The following MED28 variants were observed in gnomAD, a reference collection of about 807,000 sequenced individuals.
The protein encoded by MED28 is mediator complex subunit 28.
A neutral mutation model predicts 21.3 loss-of-function variants in MED28; 26 were observed. That is an observed-to-expected ratio of 1.22 (90% confidence interval 0.89 to 1.69). MED28 has a LOEUF of 1.69. Ranked by LOEUF, MED28 falls within the 40% of genes most tolerant of loss-of-function variation. The pLI is 0.00. For missense variants in MED28, 257 were observed against 215.4 expected, an observed-to-expected ratio of 1.19 and a Z score of -1.21; for synonymous variants, 110 against 87.6, an observed-to-expected ratio of 1.26 and a Z score of -1.43.
chr4:17,626,963 A>ATTTTT lies in MED28; in HGVS notation c.*3180_*3184dup, dbSNP rs566778111. 7.9e-6 allele frequency: 1 copy of ATTTTT among 126,178 alleles called. No homozygotes were observed. Among genetic ancestry groups the ATTTTT allele is most frequent in the Non-Finnish European group, 1.7e-5 (1 of 60,368 alleles). The allele number at this position is 126,178 out of a possible 1,614,324, so 7.8% of individuals were successfully genotyped here. On this transcript the variant is annotated 3_prime_UTR_variant, in exon 4 of 4. Transcript: ENST00000237380. ...CCTCAGCCTCCCAAGTAGCTGGGCT[A>ATTTTT]TTTTTTTTTTTTTTTTTTTGAGATG...
chr4:17,621,359 ATC>A (rs1053727294), intron 2 of MED28, among the ~76,000 whole-genome samples: 1 of 151,258 alleles, frequency 6.6e-6, no homozygotes, highest in Non-Finnish European at 1.5e-5. Context: ...CTATATTAAT[ATC>A]TCTCTCTTTT....
chr4:17,628,420 C>T lies in MED28; in HGVS notation c.*4622C>T, dbSNP rs1371035541. 1 of 152,032 alleles carries T rather than the reference C, an allele frequency of 6.6e-6. No homozygotes were observed. The highest frequency in any genetic ancestry group is 2.4e-5 in the African/African-American group (1 of 41,384). 9.4% of individuals were successfully genotyped at this position (152,032 alleles called of 1,614,324 possible). On this transcript the variant is annotated 3_prime_UTR_variant, in exon 4 of 4. Transcript: ENST00000237380. ...CCTATAAATAAGATGTATTGAGATG[C>T]TCAGTGCCCCCATTCTGACAGCATC...
intron 1 of MED28, among the ~76,000 whole-genome samples, chr4:17,618,013 C>CTTTTTTTTTTTT (rs529883796): frequency 3.4e-5 from 4 of 117,914 alleles, no homozygotes; most frequent in Non-Finnish European, 6.7e-5. Flanking sequence ...CTTTTCTTTT[C>CTTTTTTTTTTTT]TTTTTTTTTT....
chr4:17,616,086 G>A lies in MED28; in HGVS notation c.159+1273G>A, dbSNP rs189840009. On this transcript the variant is annotated intron_variant, in intron 1 of 3. Coordinates refer to ENST00000237380, the MANE Select transcript of MED28 (RefSeq NM_025205.5). ...AGCGATTTTCCTGCCTCAGCCTCCC[G>A]AGTTGCTGGGATTACAGGCACCTGC... Among the ~76,000 whole-genome samples the A allele has an allele frequency of 8.6e-3, 1,310 of 152,044 alleles. 6 individuals carry two copies. Among genetic ancestry groups the A allele is most frequent in the Middle Eastern group, 0.034 (10 of 294 alleles).
rs554748248 is a variant in MED28, at chr4:17,614,659, C to G, written c.5C>G (p.Ala2Gly). The stretch of plus-strand genomic sequence containing the variant: ...CTCTCTTGCGCCATTCCAAACATGG[C>G]GGCTCCACTAGGGGGTATGTTTTCT... MAAPLGGMFSGQ... is the reference protein window; with the variant it reads MGAPLGGMFSGQ... The change falls in exon 1 of 4, where the codon GCG (alanine) becomes GGG (glycine). Residue 2 changes from alanine (A) to glycine (G), a missense_variant. Ala to Gly is a moderately conservative substitution (Grantham distance 60). Transcript: ENST00000237380. 6.2e-7 allele frequency: 1 copy of G among 1,605,882 alleles called. No individual in the cohort carries two copies. The highest frequency in any genetic ancestry group is 1.1e-5 in the South Asian group (1 of 90,596).
In MED28 at chr4:17,633,788, T is replaced by C. The variant is rs1221058083; in HGVS notation, c.*9990T>C. 6 of 1,551,512 alleles carry C rather than the reference T, an allele frequency of 3.9e-6. No individual in the cohort carries two copies. In the East Asian group the frequency reaches 1.5e-4, roughly 38 times the overall value. ...GGGTGATGTAGTTATTGGAGGGGCA[T>C]TAATCCTGGAACTCAGATCGCCACT... On this transcript the variant is annotated 3_prime_UTR_variant, in exon 4 of 4. Transcript: ENST00000237380.
In MED28 at chr4:17,633,861, G is replaced by A. The variant is rs188210452; in HGVS notation, c.*10063G>A. The stretch of plus-strand genomic sequence containing the variant: ...GCGAGGTTCGGCACGCTGACCACGC[G>A]GCTGGGCACGTCCTCCACCTTCTTT... On this transcript the variant is annotated 3_prime_UTR_variant, in exon 4 of 4. Transcript: ENST00000237380. 3.1e-5 allele frequency: 48 copies of A among 1,550,622 alleles called. No homozygotes were observed. The highest frequency in any genetic ancestry group is 2.7e-4 in the East Asian group (11 of 40,884).
rs1394418348 is a variant in MED28, at chr4:17,630,076, CAA to C, written c.*6281_*6282del. 6.6e-6 allele frequency: 1 copy of C among 152,160 alleles called. No individual in the cohort carries two copies. The highest frequency in any genetic ancestry group is 2.4e-5 in the African/African-American group (1 of 41,444). 9.4% of individuals were successfully genotyped at this position (152,160 alleles called of 1,614,324 possible). A position where few individuals can be genotyped will look rare whatever the true frequency, so the allele number is the denominator to read the frequency against. On this transcript the variant is annotated 3_prime_UTR_variant, in exon 4 of 4. Transcript: ENST00000237380. ...CAGTCACCTGCAGCAAGAAAGGAGT[CAA>C]AACCTATGTACGATCTCAACTAGTA...
In MED28 at chr4:17,628,561, C is replaced by G. The variant is rs981121413; in HGVS notation, c.*4763C>G. 6.6e-6 allele frequency: 1 copy of G among 151,990 alleles called. No individual in the cohort carries two copies. The highest frequency in any genetic ancestry group is 1.5e-5 in the Non-Finnish European group (1 of 68,000). 9.4% of individuals were successfully genotyped at this position (151,990 alleles called of 1,614,324 possible). On this transcript the variant is annotated 3_prime_UTR_variant, in exon 4 of 4. Coordinates refer to ENST00000237380, the MANE Select transcript of MED28 (RefSeq NM_025205.5). ...CCTATGGTTCTCTGTGATGAATAGA[C>G]CCAACTTGTTCAAATACAGGCATTT...
In MED28 at chr4:17,630,897, T is replaced by C. The variant is rs141191435; in HGVS notation, c.*7099T>C. On this transcript the variant is annotated 3_prime_UTR_variant, in exon 4 of 4. Transcript: ENST00000237380. Reference sequence around the variant, plus strand: ...AATCAATACAAGTCAACCATTTTTATTGCCCAGTTATTCAAAGTTTTATTC... The same window carrying C: ...AATCAATACAAGTCAACCATTTTTACTGCCCAGTTATTCAAAGTTTTATTC... The C allele has an allele frequency of 6.6e-5, 10 of 152,342 alleles. No individual in the cohort carries two copies. The highest frequency in any genetic ancestry group is 2.4e-4 in the African/African-American group (10 of 41,582). 9.4% of individuals were successfully genotyped at this position (152,342 alleles called of 1,614,324 possible).
At chr4:17,621,757 C>T in intron 3 of MED28, 58 bp downstream of exon 3, 1 of 1,125,690 alleles carries the variant, frequency 8.9e-7, no homozygotes, top group Admixed American at 2.1e-5. Flanking sequence ...GCCAGGATTC[C>T]TTTTATGCTT....
At chr4:17,622,663 T>C (rs1714669567) in intron 3 of MED28, among the ~76,000 whole-genome samples, 1 of 152,208 alleles carries the variant, frequency 6.6e-6, no homozygotes, top group Non-Finnish European at 1.5e-5. Flanking sequence ...ACTGGATGGC[T>C]GGGGACCAGG....
In MED28 at chr4:17,633,855, C is replaced by G; in HGVS notation, c.*10057C>G. 6.4e-7 allele frequency: 1 copy of G among 1,551,050 alleles called. No individual in the cohort carries two copies. The highest frequency in any genetic ancestry group is 8.7e-7 in the Non-Finnish European group (1 of 1,146,764). On this transcript the variant is annotated 3_prime_UTR_variant, in exon 4 of 4. Coordinates refer to ENST00000237380, the MANE Select transcript of MED28 (RefSeq NM_025205.5). ...TAGGAGGCGAGGTTCGGCACGCTGA[C>G]CACGCGGCTGGGCACGTCCTCCACC...
Position 17,628,256 on chromosome 4 carries a change from G to A in MED28, c.*4458G>A, listed in dbSNP as rs1182107484. On this transcript the variant is annotated 3_prime_UTR_variant, in exon 4 of 4. Coordinates refer to ENST00000237380, the MANE Select transcript of MED28 (RefSeq NM_025205.5). ...CTGGTTAAAACGAGTGACAGCTGCCGTGTGTGTGTGTGTGTGTGTGTGTGT... is the reference window on the plus strand; with the variant it reads ...CTGGTTAAAACGAGTGACAGCTGCCATGTGTGTGTGTGTGTGTGTGTGTGT... The A allele has an allele frequency of 1.6e-3, 5 of 3,186 alleles. No homozygotes were observed. The highest frequency in any genetic ancestry group is 5.5e-3 in the African/African-American group (5 of 904). 0.2% of individuals were successfully genotyped at this position (3,186 alleles called of 1,614,324 possible).
chr4:17,614,880 C>A, intron 1 of MED28, 67 bp downstream of exon 1: 2 of 1,500,986 alleles, frequency 1.3e-6, no homozygotes, highest in South Asian at 1.3e-5. Context: ...ACTGCGCGTA[C>A]GCGTATCTCC....
chr4:17,622,474 G>T (rs2108918051), intron 3 of MED28, among the ~76,000 whole-genome samples: 1 of 152,340 alleles, frequency 6.6e-6, no homozygotes, highest in East Asian at 1.9e-4. Context: ...GTATGTCCAA[G>T]ACTGGATGGT....
chr4:17,620,629 G>A (rs1169739149), intron 2 of MED28, among the ~76,000 whole-genome samples: 2 of 151,374 alleles, frequency 1.3e-5, no homozygotes, highest in Non-Finnish European at 2.9e-5. Flanking sequence ...CACCGTGCCC[G>A]GCCTTATATG....
At position 17,633,957 on chromosome 4, in the gene MED28, C is replaced by T. The variant is rs1220022352; in HGVS notation, c.*10159C>T. The stretch of plus-strand genomic sequence containing the variant: ...ACAAAATAAAGCATTATTGTAAAAG[C>T]AAATAATGCTCACCCAATCAAAATT... On this transcript the variant is annotated 3_prime_UTR_variant, in exon 4 of 4. Coordinates refer to ENST00000237380, the MANE Select transcript of MED28 (RefSeq NM_025205.5). 5 of 1,206,178 alleles carry T rather than the reference C, an allele frequency of 4.1e-6. No individual in the cohort carries two copies. The highest frequency in any genetic ancestry group is 5.5e-6 in the Non-Finnish European group (5 of 912,916). 74.7% of individuals were successfully genotyped at this position (1,206,178 alleles called of 1,614,324 possible). A position where few individuals can be genotyped will look rare whatever the true frequency, so the allele number is the denominator to read the frequency against.
intron 3 of MED28, among the ~76,000 whole-genome samples, chr4:17,623,356 G>A (rs1308526852): frequency 5.1e-5 from 7 of 137,016 alleles, no homozygotes; most frequent in Non-Finnish European, 9.0e-5. Context: ...AGCCGAGACC[G>A]CACCACTGCA....
Sources: allele counts gnomAD v4.1 joint callset (sites outside exome capture counted in the v4.1 genomes callset), GRCh38; gene constraint gnomAD v4.1.1; transcripts MANE v1.5; gene names NCBI Gene and HGNC (gene_info 2026-07-23, HGNC 2026-07-21).